Variants in SNPH observed in about 807,000 individuals in gnomAD.
SNPH encodes syntaphilin.
In SNPH, 10 loss-of-function variants were observed where a neutral mutation model predicts 36.8. The observed-to-expected ratio is 0.27, with a 90% confidence interval of 0.17 to 0.46. SNPH has a LOEUF of 0.46. SNPH is among the 20% of genes least tolerant of loss of function. The pLI is 1.00. For synonymous variants in SNPH, 281 were observed against 312.2 expected, an observed-to-expected ratio of 0.90 and a Z score of 1.05; for missense variants, 622 against 744.0, an observed-to-expected ratio of 0.84 and a Z score of 1.91.
intron 2 of SNPH, among the ~76,000 whole-genome samples, chr20:1,293,893 G>A (rs761634417): frequency 4.6e-5 from 7 of 152,140 alleles, no homozygotes; most frequent in Non-Finnish European, 8.8e-5. Flanking sequence ...AAGGCCACAC[G>A]CAGCTCCAAG....
intron 2 of SNPH, among the ~76,000 whole-genome samples, chr20:1,268,731 A>T (rs1203534637): frequency 8.5e-5 from 13 of 152,094 alleles, no homozygotes; most frequent in Non-Finnish European, 1.5e-5. Context: ...GAATGAAACA[A>T]ACTTGAGGAA....
intron 2 of SNPH, among the ~76,000 whole-genome samples, chr20:1,284,618 C>T (rs1478552397): frequency 1.3e-5 from 2 of 152,052 alleles, no homozygotes; most frequent in African/African-American, 4.8e-5. Context: ...GACCTTGGAG[C>T]AAAGACCTGA....
At chr20:1,292,370 T>C (rs1006233364) in intron 2 of SNPH, among the ~76,000 whole-genome samples, 2 of 152,196 alleles carry the variant, frequency 1.3e-5, no homozygotes, top group Admixed American at 1.3e-4. Context: ...AGAGAGCCAG[T>C]TGGAAAGGTT....
Position 1,304,404 on chromosome 20 carries a change from T to C in SNPH, c.441-474T>C, listed in dbSNP as rs2122451428. 6.6e-6 allele frequency among the ~76,000 whole-genome samples: 1 copy of C among 152,302 alleles called. No homozygotes were observed. Among genetic ancestry groups the C allele is most frequent in the South Asian group, 2.1e-4 (1 of 4,832 alleles). On this transcript the variant is annotated intron_variant, in intron 6 of 6. Coordinates refer to ENST00000381867, the MANE Select transcript of SNPH (RefSeq NM_001318234.2). The surrounding 1 kb of genome is among the most constrained non-coding windows in gnomAD (Gnocchi z 4.3). ...TCCTCCACTGAAACTTTCTGCAACCTGCTTTAGTAGGTAGTAGGAGGCTAC... is the reference window on the plus strand; with the variant it reads ...TCCTCCACTGAAACTTTCTGCAACCCGCTTTAGTAGGTAGTAGGAGGCTAC...
At position 1,272,759 on chromosome 20, in the gene SNPH, C is replaced by T. The variant is rs374045440; in HGVS notation, c.-493+5999C>T. Among the ~76,000 whole-genome samples the T allele has an allele frequency of 2.3e-4, 35 of 152,370 alleles. 1 individual carries two copies. In the East Asian group the frequency reaches 6.2e-3, roughly 27 times the overall value. On this transcript the variant is annotated intron_variant, in intron 2 of 6. Coordinates refer to ENST00000381867, the MANE Select transcript of SNPH (RefSeq NM_001318234.2). ...GCCAGGGAATGCCTTGTTTGCATGG[C>T]TAGGGCATTTAGCCTGACTTTGGCA...
intron 2 of SNPH, among the ~76,000 whole-genome samples, chr20:1,287,606 C>T (rs1040974): frequency 0.71 from 108,647 of 152,082 alleles, 39,388 homozygotes; most frequent in Non-Finnish European, 0.79. Context: ...AGATCCTTTC[C>T]ATTCTGATTC....
chr20:1,269,540 T>C (rs1170151792), intron 2 of SNPH, among the ~76,000 whole-genome samples: 4 of 152,220 alleles, frequency 2.6e-5, no homozygotes, highest in Admixed American at 2.0e-4. Context: ...TTGCTGATGC[T>C]GTGAGCTGTG....
intron 2 of SNPH, among the ~76,000 whole-genome samples, chr20:1,269,561 C>G (rs1442248676): frequency 6.6e-6 from 1 of 152,160 alleles, no homozygotes. Context: ...TGTGCACTTG[C>G]AGGTGGGAAC....
At chr20:1,303,751 A>G (rs2122447248) in intron 6 of SNPH, among the ~76,000 whole-genome samples, 1 of 152,230 alleles carries the variant, frequency 6.6e-6, no homozygotes, top group African/African-American at 2.4e-5. Context: ...TGAAAAGTAT[A>G]TGGTGCTTGA....
intron 5 of SNPH, among the ~76,000 whole-genome samples, chr20:1,298,587 A>G (rs1440237284): frequency 6.6e-6 from 1 of 152,218 alleles, no homozygotes; most frequent in Non-Finnish European, 1.5e-5. Context: ...TCTATTAGTA[A>G]CAGATTTTGT....
intron 2 of SNPH, among the ~76,000 whole-genome samples, chr20:1,268,928 C>G (rs1168249456): frequency 1.3e-5 from 2 of 152,156 alleles, no homozygotes; most frequent in Admixed American, 6.5e-5. Context: ...TCTAGGGCTC[C>G]TGACTAGACC....
intron 2 of SNPH, among the ~76,000 whole-genome samples, chr20:1,293,853 G>A (rs1326588198): frequency 6.6e-6 from 1 of 152,162 alleles, no homozygotes; most frequent in Non-Finnish European, 1.5e-5. Flanking sequence ...ATAGTGGCAG[G>A]GACAGCTGGG....
chr20:1,282,661 G>A (rs941145281), intron 2 of SNPH, among the ~76,000 whole-genome samples: 2 of 152,190 alleles, frequency 1.3e-5, no homozygotes, highest in Non-Finnish European at 1.5e-5. Flanking sequence ...GGAGCTAAGG[G>A]AGCCCATTTT....
chr20:1,274,698 G>T (rs1294348335), intron 2 of SNPH, among the ~76,000 whole-genome samples: 2 of 152,220 alleles, frequency 1.3e-5, no homozygotes, highest in Non-Finnish European at 2.9e-5. Context: ...ACTGTGTAAG[G>T]ACTGTGAGTC....
intron 2 of SNPH, among the ~76,000 whole-genome samples, chr20:1,279,781 G>A (rs2088194823): frequency 6.6e-6 from 1 of 152,154 alleles, no homozygotes; most frequent in Non-Finnish European, 1.5e-5. Context: ...TGAAGGTTTA[G>A]TGTCAGAGCC....
intron 2 of SNPH, among the ~76,000 whole-genome samples, chr20:1,278,412 A>G (rs1391099288): frequency 6.6e-6 from 1 of 152,136 alleles, no homozygotes; most frequent in Admixed American, 6.5e-5. Context: ...AGCTTCACAT[A>G]TCTAAAGTAC....
intron 2 of SNPH, among the ~76,000 whole-genome samples, chr20:1,283,756 G>A (rs1325663701): frequency 6.6e-6 from 1 of 152,142 alleles, no homozygotes; most frequent in Non-Finnish European, 1.5e-5. Context: ...CTGGACTCCT[G>A]GTCTACAAAC....
At chr20:1,301,708 C>A (rs1215808212) in intron 6 of SNPH, among the ~76,000 whole-genome samples, 358 of 117,012 alleles carry the variant, frequency 3.1e-3, no homozygotes, top group African/African-American at 0.01. Context: ...CTAATTTCAT[C>A]AATATTTCTA....
Position 1,306,421 on chromosome 20 carries a change from C to A in SNPH, c.*367C>A. 5.0e-6 allele frequency: 1 copy of A among 198,540 alleles called. No homozygotes were observed. 12.3% of individuals were successfully genotyped at this position (198,540 alleles called of 1,614,324 possible). ...GTGGGGAAGCCGGGCTTGAGTTGCC[C>A]ATAGGCCCCTGCCCTGCACCATCCT... On this transcript the variant is annotated 3_prime_UTR_variant, in exon 7 of 7. Coordinates refer to ENST00000381867, the MANE Select transcript of SNPH (RefSeq NM_001318234.2).
Sources: allele counts gnomAD v4.1 joint callset (sites outside exome capture counted in the v4.1 genomes callset), GRCh38; gene constraint gnomAD v4.1.1; non-coding constraint Gnocchi (gnomAD v3.1); transcripts MANE v1.5; gene names NCBI Gene and HGNC (gene_info 2026-07-23, HGNC 2026-07-21).